The following LINGO2 variants were observed in gnomAD, a reference collection of about 807,000 sequenced individuals.
LINGO2 encodes leucine rich repeat and Ig domain containing 2, also known as leucine-rich repeat and immunoglobulin-like domain-containing nogo receptor-interacting protein 2.
In LINGO2, 14 loss-of-function variants were observed where a neutral mutation model predicts 30.6. The ratio of observed to expected loss-of-function variants is 0.46; its 90% CI spans 0.30 to 0.72. LINGO2 has a LOEUF of 0.72. Among genes scored for constraint, LINGO2 ranks in the 30% least tolerant of loss-of-function variants. The pLI is 0.07. For missense variants in LINGO2, 729 were observed against 751.7 expected (o/e 0.97, Z 0.35); for synonymous variants, 317 against 288.5 (o/e 1.10, Z -1.00).
chr9:28,315,063 G>C (rs939436240), intron 3 of LINGO2, among the ~76,000 whole-genome samples: 4 of 149,604 alleles, frequency 2.7e-5, no homozygotes. Context: ...CAGGAGTATA[G>C]AATGCTTTAT....
At chr9:27,981,357 T>TA (rs927051984) in intron 5 of LINGO2, among the ~76,000 whole-genome samples, 2 of 151,292 alleles carry the variant, frequency 1.3e-5, no homozygotes, top group Non-Finnish European at 3.0e-5. Flanking sequence ...ACTTTCCCCT[T>TA]ATCACACAGA....
At chr9:29,194,792 A>T in the LINGO2 span, among the ~76,000 whole-genome samples, 1 of 152,178 alleles carries the variant, frequency 6.6e-6, no homozygotes, top group Non-Finnish European at 1.5e-5. Context: ...CTCCATGTTA[A>T]CATCTTTCAA....
At chr9:28,639,576 G>A (rs1321081703) in intron 1 of LINGO2, among the ~76,000 whole-genome samples, 1 of 152,060 alleles carries the variant, frequency 6.6e-6, no homozygotes, top group South Asian at 2.1e-4. Context: ...ATTATGTAAT[G>A]GCCTTCTTTG....
At chr9:29,119,113 G>A in the LINGO2 span, among the ~76,000 whole-genome samples, 1 of 152,194 alleles carries the variant, frequency 6.6e-6, no homozygotes, top group Middle Eastern at 3.4e-3. Flanking sequence ...ATGGTTTGGA[G>A]GCAATCCTGC....
intron 5 of LINGO2, among the ~76,000 whole-genome samples, chr9:27,963,206 G>A (rs1819932008): frequency 6.6e-6 from 1 of 152,048 alleles, no homozygotes; most frequent in Non-Finnish European, 1.5e-5. Flanking sequence ...TGGTATACAT[G>A]GTGCCTAGCA....
chr9:29,075,760 A>C, the LINGO2 span, among the ~76,000 whole-genome samples: 1 of 152,224 alleles, frequency 6.6e-6, no homozygotes, highest in Non-Finnish European at 1.5e-5. Context: ...GGCTAGCAGA[A>C]AACAAAAAAG....
intron 3 of LINGO2, among the ~76,000 whole-genome samples, chr9:28,303,961 G>GTA (rs985335357): frequency 1.7e-4 from 26 of 152,038 alleles, no homozygotes; most frequent in Non-Finnish European, 2.9e-4. Flanking sequence ...GATCACCTGT[G>GTA]TATGTGTGTG....
At chr9:28,655,248 G>T (rs1217629612) in intron 1 of LINGO2, among the ~76,000 whole-genome samples, 1 of 151,914 alleles carries the variant, frequency 6.6e-6, no homozygotes, top group Admixed American at 6.6e-5. Context: ...CTTCCTCCAT[G>T]GTTGTAAGTT....
intron 3 of LINGO2, among the ~76,000 whole-genome samples, chr9:28,351,982 G>T (rs1819917131): frequency 6.6e-6 from 1 of 151,526 alleles, no homozygotes; most frequent in African/African-American, 2.4e-5. Flanking sequence ...AATAAATTAG[G>T]TATTGCTGGG....
In LINGO2 at chr9:28,500,583, T is replaced by C. The variant is rs534011251; in HGVS notation, c.-364-24558A>G. Among the ~76,000 whole-genome samples the C allele has an allele frequency of 5.9e-5, 9 of 152,100 alleles. No homozygotes were observed. In the South Asian group the frequency reaches 1.9e-3, roughly 32 times the overall value. On this transcript the variant is annotated intron_variant, in intron 1 of 5. Transcript: ENST00000379992. ...ATTGAGGCAAGATATTTTCTCAGAA[T>C]GCACGACAAAAAAAATAAGGAGATA...
At chr9:29,168,447 C>T in the LINGO2 span, among the ~76,000 whole-genome samples, 1 of 152,172 alleles carries the variant, frequency 6.6e-6, no homozygotes, top group East Asian at 1.9e-4. Context: ...CACACCCACA[C>T]TTGCCTAGGA....
chr9:28,603,559 T>C (rs1825579038), intron 1 of LINGO2, among the ~76,000 whole-genome samples: 1 of 152,070 alleles, frequency 6.6e-6, no homozygotes, highest in Admixed American at 6.6e-5. Flanking sequence ...CATGTCAATA[T>C]TTTTAAAAGA....
the LINGO2 span, among the ~76,000 whole-genome samples, chr9:28,984,976 C>A: frequency 3.3e-5 from 5 of 152,038 alleles, no homozygotes; most frequent in Non-Finnish European, 7.4e-5. Context: ...CCACCTTAGA[C>A]CTCCTGTCTA....
At chr9:28,400,915 T>A (rs1822237103) in intron 2 of LINGO2, among the ~76,000 whole-genome samples, 1 of 152,212 alleles carries the variant, frequency 6.6e-6, no homozygotes, top group South Asian at 2.1e-4. Flanking sequence ...TAATTTTTTA[T>A]GTTCTGCAAA....
chr9:27,980,234 G>A (rs1820792117), intron 5 of LINGO2, among the ~76,000 whole-genome samples: 1 of 151,880 alleles, frequency 6.6e-6, no homozygotes, highest in East Asian at 1.9e-4. Flanking sequence ...TAGCTATAAG[G>A]CACTCAAACG....
chr9:28,823,269 A>G, the LINGO2 span, among the ~76,000 whole-genome samples: 2 of 152,224 alleles, frequency 1.3e-5, no homozygotes, highest in African/African-American at 4.8e-5. Flanking sequence ...TTATGGAAGC[A>G]ACATTACAAA....
the LINGO2 span, among the ~76,000 whole-genome samples, chr9:28,916,339 T>G: frequency 6.6e-6 from 1 of 152,190 alleles, no homozygotes; most frequent in Non-Finnish European, 1.5e-5. Context: ...CTAGGTCTTT[T>G]TCCTGATCCA....
the LINGO2 span, among the ~76,000 whole-genome samples, chr9:29,024,305 A>T: frequency 2.0e-5 from 3 of 152,242 alleles, no homozygotes; most frequent in Non-Finnish European, 4.4e-5. Context: ...TGTAATGGCT[A>T]CCTGTATTCA....
At chr9:28,415,187 C>T (rs1822917979) in intron 2 of LINGO2, among the ~76,000 whole-genome samples, 1 of 151,966 alleles carries the variant, frequency 6.6e-6, no homozygotes, top group African/African-American at 2.4e-5. Context: ...GTGCTAGTTC[C>T]TTCTATTTTT....
Sources: gnomAD v4.1 joint callset for allele counts (sites outside exome capture counted in the v4.1 genomes callset) on GRCh38, gnomAD v4.1.1 for gene constraint, MANE v1.5 for transcripts, NCBI Gene and HGNC (gene_info 2026-07-23, HGNC 2026-07-21) for gene names.